CTNND2: variants seen among roughly 807,000 people sequenced by gnomAD.
The protein encoded by CTNND2 is catenin delta-2.
CTNND2 carries 22 observed loss-of-function variants against 144.4 expected under a neutral mutation model. That is an observed-to-expected ratio of 0.15 (90% CI 0.11 to 0.22). CTNND2 has a LOEUF of 0.22. Ranked by LOEUF, CTNND2 falls within the 10% of genes least tolerant of loss-of-function variation. The pLI is 1.00. For missense variants in CTNND2, 1,353 were observed against 1,618.8 expected (o/e 0.84, Z 2.82); for synonymous variants, 751 against 695.6 (o/e 1.08, Z -1.25).
intron 16 of CTNND2, among the ~76,000 whole-genome samples, chr5:11,059,796 G>C (rs1746739881): frequency 1.3e-5 from 2 of 151,652 alleles, no homozygotes; most frequent in African/African-American, 4.8e-5. Flanking sequence ...AGATTCAATT[G>C]AATGAAAAAA....
At position 11,535,467 on chromosome 5, in the gene CTNND2, T is replaced by C. The variant is rs559460113; in HGVS notation, c.287+29477A>G. Among the ~76,000 whole-genome samples the C allele has an allele frequency of 1.9e-3, 291 of 152,340 alleles. 2 individuals carry two copies. Among genetic ancestry groups the C allele is most frequent in the African/African-American group, 6.8e-3 (281 of 41,574 alleles). The stretch of plus-strand genomic sequence containing the variant: ...TAATTTTTTCCTATAGGTAGTATCA[T>C]GATAACTATGAAATTTCTGGCCTTG... On this transcript the variant is annotated intron_variant, in intron 3 of 21. Transcript: ENST00000304623.
intron 1 of CTNND2, among the ~76,000 whole-genome samples, chr5:11,819,089 C>T (rs1793171720): frequency 6.6e-6 from 1 of 152,168 alleles, no homozygotes; most frequent in South Asian, 2.1e-4. Flanking sequence ...AGTATCTGTA[C>T]AGTAGACATT....
At chr5:11,897,985 T>G (rs1309924886) in intron 1 of CTNND2, among the ~76,000 whole-genome samples, 1 of 152,242 alleles carries the variant, frequency 6.6e-6, no homozygotes, top group Non-Finnish European at 1.5e-5. Context: ...CTTGCCTTGC[T>G]GCTTCTCTCT....
intron 16 of CTNND2, among the ~76,000 whole-genome samples, chr5:11,064,581 T>G (rs1747353885): frequency 6.6e-6 from 1 of 151,956 alleles, no homozygotes; most frequent in South Asian, 2.1e-4. Context: ...TCACATGCAG[T>G]AAGGGTCACT....
intron 3 of CTNND2, among the ~76,000 whole-genome samples, chr5:11,488,095 G>A (rs914351121): frequency 6.6e-6 from 1 of 152,172 alleles, no homozygotes; most frequent in Admixed American, 6.6e-5. Context: ...TCATATCCCA[G>A]CCTACTGCCT....
chr5:11,893,802 T>C (rs1261142367), intron 1 of CTNND2, among the ~76,000 whole-genome samples: 2 of 152,178 alleles, frequency 1.3e-5, no homozygotes, highest in African/African-American at 4.8e-5. Context: ...ATGGTGTCAC[T>C]ATACAATTTA....
chr5:11,581,093 C>T (rs1364751683), intron 2 of CTNND2, among the ~76,000 whole-genome samples: 2 of 152,082 alleles, frequency 1.3e-5, no homozygotes, highest in African/African-American at 4.8e-5. Context: ...GTTACAGTAG[C>T]TTTCTTCCCA....
At chr5:11,301,193 A>G (rs1469824684) in intron 9 of CTNND2, among the ~76,000 whole-genome samples, 1 of 150,254 alleles carries the variant, frequency 6.7e-6, no homozygotes, top group Non-Finnish European at 1.5e-5. Context: ...ATTTTTTTGT[A>G]TTTTTAGTAG....
chr5:10,986,451 T>C (rs1737968394), intron 20 of CTNND2, among the ~76,000 whole-genome samples: 1 of 152,212 alleles, frequency 6.6e-6, no homozygotes, highest in Admixed American at 6.5e-5. Flanking sequence ...CCCAGGGCAA[T>C]GATAACTGCA....
intron 9 of CTNND2, among the ~76,000 whole-genome samples, chr5:11,304,321 C>A (rs1364657264): frequency 2.8e-5 from 4 of 144,868 alleles, no homozygotes; most frequent in African/African-American, 9.9e-5. Context: ...GGACACACCA[C>A]ACACACACAC....
chr5:11,393,825 T>C (rs1224678038), intron 6 of CTNND2, among the ~76,000 whole-genome samples: 1 of 152,120 alleles, frequency 6.6e-6, no homozygotes, highest in African/African-American at 2.4e-5. Context: ...AGTAATGTTT[T>C]TAACACATAA....
chr5:11,344,875 A>T (rs1175157996), intron 9 of CTNND2, among the ~76,000 whole-genome samples: 1 of 152,228 alleles, frequency 6.6e-6, no homozygotes, highest in East Asian at 1.9e-4. Flanking sequence ...AATGCATTTA[A>T]TACACAGTAT....
chr5:11,641,119 A>C (rs910829867), intron 2 of CTNND2, among the ~76,000 whole-genome samples: 5 of 152,130 alleles, frequency 3.3e-5, no homozygotes, highest in African/African-American at 4.8e-5. Context: ...TGAGCACAGG[A>C]TTTTAAAAAG....
chr5:11,457,070 C>T (rs1170332123), intron 3 of CTNND2, among the ~76,000 whole-genome samples: 1 of 152,128 alleles, frequency 6.6e-6, no homozygotes, highest in Non-Finnish European at 1.5e-5. Context: ...CGTATATTGT[C>T]TCATTTAATT....
intron 2 of CTNND2, among the ~76,000 whole-genome samples, chr5:11,668,341 C>T (rs966583946): frequency 2.6e-5 from 4 of 152,082 alleles, no homozygotes; most frequent in Non-Finnish European, 5.9e-5. Flanking sequence ...TTGAATCTAT[C>T]AATTACTTTG....
At chr5:11,793,071 T>C (rs914120645) in intron 1 of CTNND2, among the ~76,000 whole-genome samples, 36 of 152,386 alleles carry the variant, frequency 2.4e-4, no homozygotes, top group African/African-American at 8.2e-4. Flanking sequence ...TTCCATACAA[T>C]GGACACTAAG....
At chr5:11,005,909 C>A (rs543511691) in intron 18 of CTNND2, among the ~76,000 whole-genome samples, 1 of 152,196 alleles carries the variant, frequency 6.6e-6, no homozygotes, top group Admixed American at 6.5e-5. Context: ...CATCTGTATA[C>A]CTATGTAACA....
Position 11,510,222 on chromosome 5 carries a change from A to G in CTNND2, c.287+54722T>C, listed in dbSNP as rs115721147. Among the ~76,000 whole-genome samples the G allele has an allele frequency of 7.0e-3, 1,061 of 152,300 alleles. 14 individuals are homozygous for G. Among genetic ancestry groups the G allele is most frequent in the African/African-American group, 0.024 (1,012 of 41,572 alleles). On this transcript the variant is annotated intron_variant, in intron 3 of 21. Transcript: ENST00000304623. ...CTCCCAAACTGTTGGGATTACAGGA[A>G]TGAGCCACTGTCCCATACCCATTTT...
intron 1 of CTNND2, among the ~76,000 whole-genome samples, chr5:11,770,362 T>C (rs1203901755): frequency 1.4e-5 from 2 of 144,108 alleles, no homozygotes; most frequent in Non-Finnish European, 3.0e-5. Flanking sequence ...GATCCTGAAA[T>C]ACTACTGAAG....
Sources: allele counts gnomAD v4.1 joint callset (sites outside exome capture counted in the v4.1 genomes callset), GRCh38; gene constraint gnomAD v4.1.1; transcripts MANE v1.5; gene names NCBI Gene and HGNC (gene_info 2026-07-23, HGNC 2026-07-21).